The following MCF2L2 variants were observed in gnomAD, a reference collection of about 807,000 sequenced individuals.
The protein encoded by MCF2L2 is probable guanine nucleotide exchange factor MCF2L2.
Under a neutral mutation model 150.2 loss-of-function variants are expected in MCF2L2, and 102 were observed. That is an observed-to-expected ratio of 0.68 (90% CI 0.58 to 0.80). MCF2L2 has a LOEUF of 0.80. Ranked by LOEUF, MCF2L2 falls within the 30% of genes least tolerant of loss-of-function variation. The pLI is 0.00. For synonymous variants in MCF2L2, 465 were observed against 491.3 expected, an observed-to-expected ratio of 0.95 and a Z score of 0.71; for missense variants, 1,256 against 1,372.8, an observed-to-expected ratio of 0.91 and a Z score of 1.34.
chr3:183,418,467 T>G (rs79410715), intron 1 of MCF2L2, among the ~76,000 whole-genome samples: 2,484 of 152,300 alleles, frequency 0.016, 81 homozygotes, highest in African/African-American at 0.056. Context: ...ATTTTAGCAT[T>G]AACTCAAAAG....
Position 183,224,085 on chromosome 3 carries a change from T to G in MCF2L2, c.2208+13A>C. The G allele has an allele frequency of 6.2e-7, 1 of 1,606,826 alleles. No individual in the cohort carries two copies. The highest frequency in any genetic ancestry group is 8.5e-7 in the Non-Finnish European group (1 of 1,173,618). Reference sequence around the variant, plus strand: ...AACATTTTCCAGGAAGAAGTTTGTCTTCTCAACATTACCCCAAAGTAGGCG... The same window carrying G: ...AACATTTTCCAGGAAGAAGTTTGTCGTCTCAACATTACCCCAAAGTAGGCG... On this transcript the variant is annotated intron_variant, in intron 19 of 29. Coordinates refer to ENST00000328913, the MANE Select transcript of MCF2L2 (RefSeq NM_015078.4).
Position 183,379,326 on chromosome 3 carries a change from A to G in MCF2L2, c.246T>C (p.Asn82=). ...GGATGCTAGTCAGGTAGGTCATGACATTCAGGAAGTCTTCATCTGGGATGT... is the reference window on the plus strand; with the variant it reads ...GGATGCTAGTCAGGTAGGTCATGACGTTCAGGAAGTCTTCATCTGGGATGT... ...FKHIPDEDFL[N]VMTYLTSIPS... is the part of the protein sequence containing the mutation. Residue 82 remains asparagine (N), a synonymous_variant, in exon 3 of 30, where the codon AAT becomes AAC. Coordinates refer to ENST00000328913, the MANE Select transcript of MCF2L2 (RefSeq NM_015078.4). 1 of 1,611,806 alleles carries G rather than the reference A, an allele frequency of 6.2e-7. No homozygotes were observed. The highest frequency in any genetic ancestry group is 2.2e-5 in the East Asian group (1 of 44,652).
intron 20 of MCF2L2, among the ~76,000 whole-genome samples, chr3:183,223,119 C>T (rs1224291315): frequency 6.6e-6 from 1 of 152,212 alleles, no homozygotes; most frequent in Non-Finnish European, 1.5e-5. Context: ...CTGAGCTAGA[C>T]ATTGGACTAG....
chr3:183,221,880 C>T (rs149631848), intron 20 of MCF2L2, among the ~76,000 whole-genome samples: 18 of 152,248 alleles, frequency 1.2e-4, no homozygotes, highest in East Asian at 3.9e-4. Flanking sequence ...TGCTTCATAA[C>T]GATCTTATGG....
intron 22 of MCF2L2, among the ~76,000 whole-genome samples, chr3:183,212,039 A>T (rs1722741284): frequency 3.3e-5 from 5 of 152,146 alleles, no homozygotes. Flanking sequence ...AAACAAAGAA[A>T]TGGAGACGCA....
In MCF2L2 at chr3:183,217,202, G is replaced by A. The variant is rs1576930987; in HGVS notation, c.2371-1108C>T. Among the ~76,000 whole-genome samples, 3 of 147,402 alleles carry A rather than the reference G, an allele frequency of 2.0e-5. No individual in the cohort carries two copies. The South Asian group carries it at 6.5e-4, about 32-fold the overall frequency. ...CCAGCTACTTGGGAGGTTGAGGCAG[G>A]AGAACAGCTTGAACCCAGGAGGCGG... On this transcript the variant is annotated intron_variant, in intron 21 of 29. Transcript: ENST00000328913.
intron 3 of MCF2L2, chr3:183,379,090 T>G (rs1713364722): frequency 7.8e-6 from 4 of 515,514 alleles, no homozygotes; most frequent in Non-Finnish European, 1.0e-5. Context: ...CACAAGAGAG[T>G]CAAAACTGAG....
intron 14 of MCF2L2, among the ~76,000 whole-genome samples, chr3:183,285,729 T>C (rs1727752660): frequency 6.6e-6 from 1 of 152,232 alleles, no homozygotes; most frequent in East Asian, 1.9e-4. Context: ...TATTTTTTCT[T>C]TTTTTTCATC....
At chr3:183,258,275 C>G (rs1242660764) in intron 15 of MCF2L2, 1 of 152,948 alleles carries the variant, frequency 6.5e-6, no homozygotes, top group Non-Finnish European at 1.5e-5. Flanking sequence ...CCACTTCACC[C>G]TTTAAGCCAG....
intron 15 of MCF2L2, among the ~76,000 whole-genome samples, chr3:183,275,886 A>G (rs1456453112): frequency 6.6e-6 from 1 of 152,180 alleles, no homozygotes; most frequent in Non-Finnish European, 1.5e-5. Flanking sequence ...AAAGTGTTGG[A>G]AAGTGTTGGG....
chr3:183,413,269 C>T (rs553385403), intron 1 of MCF2L2, among the ~76,000 whole-genome samples: 22 of 152,154 alleles, frequency 1.4e-4, no homozygotes, highest in African/African-American at 5.1e-4. Context: ...TGACTGGATG[C>T]CTTACCAATA....
chr3:183,245,126 CTGTT>C (rs1382625157), intron 15 of MCF2L2, among the ~76,000 whole-genome samples: 10 of 152,230 alleles, frequency 6.6e-5, no homozygotes, highest in Admixed American at 3.3e-4. Context: ...TTCTAATAGA[CTGTT>C]TGATGTAATC....
chr3:183,383,210 A>T (rs1713631491), intron 2 of MCF2L2, among the ~76,000 whole-genome samples: 1 of 121,390 alleles, frequency 8.2e-6, no homozygotes, highest in East Asian at 2.7e-4. Context: ...AAGAATTTTT[A>T]TATTTATTTA....
chr3:183,179,380 T>G lies in MCF2L2; in HGVS notation c.3345A>C (p.Ter1115CysextTer60), dbSNP rs745503042. ...AGGAGCGGGGGCGTCCGCAGGGAGG[T>G]CAGCTCTCCTGGGCGGAGGTCCTCG... ...LRPRTSAQES[*>C] The change falls in exon 30 of 30, where the codon TGA becomes TGC. Residue 1115 changes from the stop codon to cysteine (C), a stop_lost. Coordinates refer to ENST00000328913, the MANE Select transcript of MCF2L2 (RefSeq NM_015078.4). This position sits in a 1 kb window ranked among gnomAD's most constrained non-coding sequence, Gnocchi z 4.2. 72 of 1,497,714 alleles carry G rather than the reference T, an allele frequency of 4.8e-5. No individual in the cohort carries two copies. The highest frequency in any genetic ancestry group is 3.0e-4 in the Admixed American group (13 of 43,012). The allele number at this position is 1,497,714 out of a possible 1,614,324, so 92.8% of individuals were successfully genotyped here. A position where few individuals can be genotyped will look rare whatever the true frequency, so the allele number is the denominator to read the frequency against.
intron 5 of MCF2L2, among the ~76,000 whole-genome samples, chr3:183,331,444 T>C (rs1388971961): frequency 2.6e-5 from 4 of 152,240 alleles, no homozygotes; most frequent in Admixed American, 2.0e-4. Flanking sequence ...CTTGTAACAA[T>C]TGTTAAAAGC....
chr3:183,399,255 A>G (rs1471913358), intron 1 of MCF2L2, among the ~76,000 whole-genome samples: 1 of 152,184 alleles, frequency 6.6e-6, no homozygotes, highest in Non-Finnish European at 1.5e-5. Context: ...TCTCAATCAG[A>G]AAGTATACTG....
intron 10 of MCF2L2, among the ~76,000 whole-genome samples, chr3:183,306,488 C>A (rs1282621947): frequency 1.3e-5 from 2 of 152,134 alleles, no homozygotes; most frequent in Admixed American, 1.3e-4. Context: ...TTTATTTCCC[C>A]CCGAGGACTC....
At chr3:183,427,595 C>T (rs1716232694) in intron 1 of MCF2L2, among the ~76,000 whole-genome samples, 3 of 147,438 alleles carry the variant, frequency 2.0e-5, no homozygotes, top group Admixed American at 2.0e-4. Flanking sequence ...ACCCACCCTA[C>T]TCCCGTCAGA....
chr3:183,274,803 C>T (rs73884622), intron 15 of MCF2L2, among the ~76,000 whole-genome samples: 3,926 of 152,240 alleles, frequency 0.026, 176 homozygotes, highest in African/African-American at 0.087. Context: ...CGATCACTTC[C>T]GCATTCTGCA....
Sources: gnomAD v4.1 joint callset for allele counts (sites outside exome capture counted in the v4.1 genomes callset) on GRCh38, gnomAD v4.1.1 for gene constraint, Gnocchi (gnomAD v3.1) non-coding constraint, MANE v1.5 for transcripts, NCBI Gene and HGNC (gene_info 2026-07-23, HGNC 2026-07-21) for gene names.